SERPINA9: variants seen among roughly 807,000 people sequenced by gnomAD.
SERPINA9 encodes the protein serpin A9.
Under a neutral mutation model 24.5 loss-of-function variants are expected in SERPINA9, and 32 were observed. That is an observed-to-expected ratio of 1.30 (90% CI 0.98 to 1.75). The LOEUF is 1.75. SERPINA9 is among the 40% of genes most tolerant of loss of function. The probability of loss-of-function intolerance (pLI) is 0.00; values close to 1 mark genes in which losing one functional copy is unlikely to be tolerated. For synonymous variants in SERPINA9, 233 were observed against 197.7 expected (o/e 1.18, Z -1.50); for missense variants, 594 against 497.1 (o/e 1.19, Z -1.85).
intron 2 of SERPINA9, 111 bp from the exon 3 acceptor site, chr14:94,467,493 G>A: frequency 1.9e-6 from 2 of 1,027,464 alleles, no homozygotes; most frequent in East Asian, 2.4e-5. Flanking sequence ...TCTTTTTGAG[G>A]TGACAAAAAA....
chr14:94,466,525 C>T (rs551327987), intron 3 of SERPINA9, among the ~76,000 whole-genome samples: 129 of 152,290 alleles, frequency 8.5e-4, no homozygotes, highest in Admixed American at 1.9e-3. Flanking sequence ...GAACATAAAA[C>T]GTGGACATTC....
chr14:94,471,499 A>T (rs1251951729), intron 1 of SERPINA9, among the ~76,000 whole-genome samples: 1 of 152,196 alleles, frequency 6.6e-6, no homozygotes, highest in Non-Finnish European at 1.5e-5. Context: ...TTTAACTTAG[A>T]TGGAACTTTA....
intron 3 of SERPINA9, among the ~76,000 whole-genome samples, chr14:94,465,442 T>C (rs1898956555): frequency 1.3e-5 from 2 of 152,260 alleles, no homozygotes; most frequent in African/African-American, 4.8e-5. Context: ...GGCTACTATA[T>C]TGAACAGCAC....
chr14:94,476,129 T>G lies in SERPINA9; in HGVS notation c.-18+7A>C, dbSNP rs531843266. Reference sequence around the variant, plus strand: ...TCCCGATCTCTCTGCACCTCCTCCTTACCCACCTTTGCAGGTTCCTCTTCT... The same window carrying G: ...TCCCGATCTCTCTGCACCTCCTCCTGACCCACCTTTGCAGGTTCCTCTTCT... On this transcript the variant is annotated splice_region_variant and intron_variant, in intron 1 of 4. Coordinates refer to ENST00000674397, the MANE Select transcript of SERPINA9 (RefSeq NM_175739.4). 2 of 1,614,146 alleles carry G rather than the reference T, an allele frequency of 1.2e-6. No individual in the cohort carries two copies. The highest frequency in any genetic ancestry group is 1.3e-5 in the African/African-American group (1 of 75,030).
At chr14:94,475,574 C>T (rs1011067999) in intron 1 of SERPINA9, among the ~76,000 whole-genome samples, 2 of 152,062 alleles carry the variant, frequency 1.3e-5, no homozygotes, top group African/African-American at 4.8e-5. Flanking sequence ...CTTTCCCAGT[C>T]GCCCCTCTCT....
intron 3 of SERPINA9, among the ~76,000 whole-genome samples, chr14:94,466,015 A>G (rs1223973823): frequency 6.6e-6 from 1 of 152,146 alleles, no homozygotes; most frequent in Non-Finnish European, 1.5e-5. Flanking sequence ...CCCTCATGCC[A>G]GGGACAGCTC....
Position 94,469,725 on chromosome 14 carries a change from G to T in SERPINA9, c.116C>A (p.Thr39Asn). Residue 39 changes from threonine (T) to asparagine (N), a missense_variant, in exon 2 of 5, where the codon ACC (threonine) becomes AAC (asparagine). Coordinates refer to ENST00000674397, the MANE Select transcript of SERPINA9 (RefSeq NM_175739.4). ...AYPRPSSTKSTPASQVYSLNT... is the reference protein window; with the variant it reads ...AYPRPSSTKSNPASQVYSLNT... ...GAGGGAATACACCTGTGAGGCAGGG[G>T]TGCTCTTTGTGGAGGAAGGGCGGGG... is the stretch of plus-strand genomic sequence containing the variant. The T allele has an allele frequency of 1.3e-6, 2 of 1,593,296 alleles. No individual in the cohort carries two copies. Among genetic ancestry groups the T allele is most frequent in the Non-Finnish European group, 1.7e-6 (2 of 1,168,118 alleles).
At chr14:94,463,370 GC>G in intron 4 of SERPINA9, 74 bp from the exon 5 acceptor site, 1 of 1,387,062 alleles carries the variant, frequency 7.2e-7, no homozygotes, top group Non-Finnish European at 1.0e-6. Context: ...TAAACTGAGT[GC>G]TTTTGCCCTG....
intron 1 of SERPINA9, among the ~76,000 whole-genome samples, chr14:94,475,495 A>T (rs545179143): frequency 6.6e-6 from 1 of 151,992 alleles, no homozygotes; most frequent in African/African-American, 2.4e-5. Context: ...TATCTCACAT[A>T]AAAGAGAGAT....
At chr14:94,474,906 C>T (rs983740438) in intron 1 of SERPINA9, among the ~76,000 whole-genome samples, 13 of 152,212 alleles carry the variant, frequency 8.5e-5, no homozygotes, top group African/African-American at 2.9e-4. Context: ...CACCTCACCT[C>T]GAATTCCTCA....
chr14:94,463,107 G>T lies in SERPINA9; in HGVS notation c.1240C>A (p.Pro414Thr), dbSNP rs201515358. ...CCATTTCCCACCTAGGATTTAGTGG[G>T]ATTTTCCACTTTCCCTAGAAAGAGA... is the stretch of plus-strand genomic sequence containing the variant. ...GILFLGKVEN[P>T]TKS The change falls in exon 5 of 5, where the codon CCC (proline) becomes ACC (threonine). Residue 414 changes from proline (P) to threonine (T), a missense_variant. By Grantham distance (38) the Pro-to-Thr change is conservative. Transcript: ENST00000674397. 1.3e-4 allele frequency: 206 copies of T among 1,613,826 alleles called. 2 individuals carry two copies. In the African/African-American group the frequency reaches 2.2e-3, roughly 17 times the overall value.
At chr14:94,470,938 C>T (rs1899285138) in intron 1 of SERPINA9, among the ~76,000 whole-genome samples, 1 of 152,158 alleles carries the variant, frequency 6.6e-6, no homozygotes, top group Admixed American at 6.5e-5. Context: ...AGTAAGTGGT[C>T]ATTTTAGAGA....
chr14:94,470,633 T>C (rs1423712571), intron 1 of SERPINA9, among the ~76,000 whole-genome samples: 1 of 152,250 alleles, frequency 6.6e-6, no homozygotes, highest in African/African-American at 2.4e-5. Flanking sequence ...GTTTTGCCTT[T>C]GTAAAACAGA....
intron 1 of SERPINA9, chr14:94,475,933 A>C (rs1595675393): frequency 1.5e-6 from 1 of 650,962 alleles, no homozygotes; most frequent in South Asian, 2.0e-5. Flanking sequence ...CCTCCAACTC[A>C]CTCACTGGTC....
At chr14:94,465,533 A>C (rs1025916300) in intron 3 of SERPINA9, among the ~76,000 whole-genome samples, 7 of 123,198 alleles carry the variant, frequency 5.7e-5, no homozygotes, top group African/African-American at 2.5e-4. Context: ...CATGTGTTGA[A>C]CTTCTTTTTT....
At chr14:94,470,220 T>C in intron 1 of SERPINA9, 2 of 1,011,612 alleles carry the variant, frequency 2.0e-6, no homozygotes, top group Non-Finnish European at 2.4e-6. Context: ...TGAACCCAGA[T>C]TGCATTAGCA....
intron 3 of SERPINA9, among the ~76,000 whole-genome samples, chr14:94,466,526 G>A (rs7144453): frequency 1.3e-5 from 2 of 152,080 alleles, no homozygotes; most frequent in Non-Finnish European, 2.9e-5. Flanking sequence ...AACATAAAAC[G>A]TGGACATTCC....
In SERPINA9 at chr14:94,463,068, C is replaced by T. The variant is rs1898814996; in HGVS notation, c.*25G>A. On this transcript the variant is annotated 3_prime_UTR_variant, in exon 5 of 5. Coordinates refer to ENST00000674397, the MANE Select transcript of SERPINA9 (RefSeq NM_175739.4). The stretch of plus-strand genomic sequence containing the variant: ...TATTTCTTGTGCATTAGCAATGTGC[C>T]ATCAGTTAACAGGCCATTTCCCACC... The T allele has an allele frequency of 6.4e-7, 1 of 1,557,858 alleles. No individual in the cohort carries two copies. The highest frequency in any genetic ancestry group is 1.1e-5 in the South Asian group (1 of 89,834).
Position 94,463,027 on chromosome 14 carries a change from G to A in SERPINA9, c.*66C>T. On this transcript the variant is annotated 3_prime_UTR_variant, in exon 5 of 5. Coordinates refer to ENST00000674397, the MANE Select transcript of SERPINA9 (RefSeq NM_175739.4). ...GTCAAATGCACCCTCAGAACAGAAA[G>A]AGGGATGTGGTTTGTTATTTCTTGT... 4 of 1,363,024 alleles carry A rather than the reference G, an allele frequency of 2.9e-6. No individual in the cohort carries two copies. Among genetic ancestry groups the A allele is most frequent in the Non-Finnish European group, 4.2e-6 (4 of 952,136 alleles). The allele number at this position is 1,363,024 out of a possible 1,614,324, so 84.4% of individuals were successfully genotyped here.
Sources: allele counts gnomAD v4.1 joint callset (sites outside exome capture counted in the v4.1 genomes callset), GRCh38; gene constraint gnomAD v4.1.1; transcripts MANE v1.5; gene names NCBI Gene and HGNC (gene_info 2026-07-23, HGNC 2026-07-21).